GLTP: variants seen among roughly 807,000 people sequenced by gnomAD.
GLTP encodes the protein glycolipid transfer protein.
A neutral mutation model predicts 24.0 loss-of-function variants in GLTP; 22 were observed. The observed-to-expected ratio is 0.92, with a 90% CI of 0.65 to 1.31. The LOEUF (loss-of-function observed/expected upper bound fraction) is 1.31. Among genes scored for constraint, GLTP ranks in the 50% most tolerant of loss-of-function variants. The probability of loss-of-function intolerance (pLI) is 0.00; values close to 1 mark genes in which losing one functional copy is unlikely to be tolerated. For synonymous variants in GLTP, 92 were observed against 115.9 expected (o/e 0.79, Z 1.33); for missense variants, 224 against 276.6 (o/e 0.81, Z 1.35).
At chr12:109,862,804 C>A (rs1355020699) in intron 1 of GLTP, among the ~76,000 whole-genome samples, 2 of 152,104 alleles carry the variant, frequency 1.3e-5, no homozygotes, top group Admixed American at 1.3e-4. Context: ...ATAATCCCAG[C>A]ACTTTGGAAG....
chr12:109,872,318 C>T (rs1179988810), intron 1 of GLTP, among the ~76,000 whole-genome samples: 2 of 152,216 alleles, frequency 1.3e-5, no homozygotes, highest in East Asian at 3.9e-4. Flanking sequence ...TGCCACACAG[C>T]TGTTGGGAAA....
intron 3 of GLTP, among the ~76,000 whole-genome samples, chr12:109,856,394 G>C (rs1892796353): frequency 6.6e-6 from 1 of 152,174 alleles, no homozygotes; most frequent in Non-Finnish European, 1.5e-5. Flanking sequence ...AATCTCACCA[G>C]GGCCAGCCCC....
At chr12:109,871,831 G>A (rs184273949) in intron 1 of GLTP, among the ~76,000 whole-genome samples, 52 of 152,280 alleles carry the variant, frequency 3.4e-4, no homozygotes, top group African/African-American at 1.2e-3. Flanking sequence ...ATATAGGCTG[G>A]GCGCCCATGC....
At position 109,857,592 on chromosome 12, in the gene GLTP, T is replaced by C. The variant is rs1229193697; in HGVS notation, c.230A>G (p.Glu77Gly). The C allele has an allele frequency of 1.9e-6, 3 of 1,614,086 alleles. No homozygotes were observed. The highest frequency in any genetic ancestry group is 1.7e-5 in the Admixed American group (1 of 60,020). Residue 77 changes from glutamate to glycine, a missense_variant, in exon 3 of 5, where the codon GAG becomes GGG. Glu to Gly is a moderately conservative substitution (Grantham distance 98). Coordinates refer to ENST00000318348, the MANE Select transcript of GLTP (RefSeq NM_016433.4). The surrounding 1 kb of genome is among the most constrained non-coding windows in gnomAD (Gnocchi z 4.3). ...CCACTCTGCTCCATACATTTCTTTC[T>C]CCACCTCCAGGATGTTCTGCAGGGT... ...FRTLQNILEV[E>G]KEMYGAEWPK...
intron 1 of GLTP, among the ~76,000 whole-genome samples, chr12:109,871,511 C>G (rs1468566769): frequency 1.3e-5 from 2 of 152,166 alleles, no homozygotes. Context: ...CCAACGTCTT[C>G]CTGTTTCCTG....
intron 1 of GLTP, among the ~76,000 whole-genome samples, chr12:109,877,317 G>A (rs1398053523): frequency 6.6e-6 from 1 of 152,242 alleles, no homozygotes; most frequent in Non-Finnish European, 1.5e-5. Flanking sequence ...GGCTCAGTGA[G>A]TGACGGGGAA....
chr12:109,869,105 G>T (rs1057134020), intron 1 of GLTP, among the ~76,000 whole-genome samples: 2 of 151,986 alleles, frequency 1.3e-5, no homozygotes, highest in African/African-American at 4.8e-5. Flanking sequence ...TTCAAAATTA[G>T]CCTGGCCAAC....
At chr12:109,854,398 G>C (rs969097637) in intron 4 of GLTP, among the ~76,000 whole-genome samples, 4 of 147,202 alleles carry the variant, frequency 2.7e-5, no homozygotes, top group African/African-American at 9.9e-5. Flanking sequence ...TAATAGCTTT[G>C]ATGTACTGAG....
At position 109,852,663 on chromosome 12, in the gene GLTP, C is replaced by T; in HGVS notation, c.522G>A (p.Glu174=). The T allele has an allele frequency of 1.9e-6, 3 of 1,608,044 alleles. No individual in the cohort carries two copies. The highest frequency in any genetic ancestry group is 2.6e-6 in the Non-Finnish European group (3 of 1,174,484). ...ALSKGQNVTE[E]ECLEKIRLFL... is the part of the protein sequence containing the mutation. ...AGAGGCGGATCTTCTCCAGGCACTC[C>T]TCCTCCGTAACATTCTGCCCCTTGG... is the stretch of plus-strand genomic sequence containing the variant. Residue 174 remains glutamate (E), a synonymous_variant, in exon 5 of 5, where the codon GAG becomes GAA. Coordinates refer to ENST00000318348, the MANE Select transcript of GLTP (RefSeq NM_016433.4).
chr12:109,864,992 C>T (rs995670694), intron 1 of GLTP, among the ~76,000 whole-genome samples: 31 of 152,150 alleles, frequency 2.0e-4, no homozygotes, highest in African/African-American at 6.5e-4. Context: ...GGATTACAGG[C>T]GTGTGCCACC....
chr12:109,878,898 GATTA>G (rs1376599297), intron 1 of GLTP, among the ~76,000 whole-genome samples: 1 of 152,094 alleles, frequency 6.6e-6, no homozygotes, highest in East Asian at 1.9e-4. Context: ...CTCAAACACC[GATTA>G]ATCACTCTAG....
chr12:109,870,658 G>A (rs1868692316), intron 1 of GLTP, among the ~76,000 whole-genome samples: 1 of 152,072 alleles, frequency 6.6e-6, no homozygotes, highest in Non-Finnish European at 1.5e-5. Context: ...GGAGGAGGGA[G>A]AAAAAGAATT....
At position 109,852,373 on chromosome 12, in the gene GLTP, C is replaced by A. The variant is rs866219724; in HGVS notation, c.*182G>T. 201 of 283,870 alleles carry A rather than the reference C, an allele frequency of 7.1e-4. No individual in the cohort carries two copies. The highest frequency in any genetic ancestry group is 1.2e-3 in the Admixed American group (19 of 15,432). The allele number at this position is 283,870 out of a possible 1,614,324, so 17.6% of individuals were successfully genotyped here. ...TATTTACTGGTCCTTTAGAATAGACCAAAAAAAAAAAAAAAAAAGACTTAA... is the reference window on the plus strand; with the variant it reads ...TATTTACTGGTCCTTTAGAATAGACAAAAAAAAAAAAAAAAAAAGACTTAA... On this transcript the variant is annotated 3_prime_UTR_variant, in exon 5 of 5. Transcript: ENST00000318348.
Position 109,880,140 on chromosome 12 carries a change from G to A in GLTP, c.103+132C>T, listed in dbSNP as rs1052325354. 3.4e-6 allele frequency: 2 copies of A among 585,254 alleles called. No homozygotes were observed. The highest frequency in any genetic ancestry group is 3.4e-5 in the East Asian group (1 of 29,384). The allele number at this position is 585,254 out of a possible 1,614,324, so 36.3% of individuals were successfully genotyped here. ...AGAATTTAGGGTGAGTGGAGGGAAA[G>A]AGGATCTTGGGTGCCTGGGGAAACA... On this transcript the variant is annotated intron_variant, in intron 1 of 4. Transcript: ENST00000318348. The surrounding 1 kb of genome is among the most constrained non-coding windows in gnomAD (Gnocchi z 5.1).
chr12:109,868,069 G>A (rs909191591), intron 1 of GLTP, among the ~76,000 whole-genome samples: 3 of 152,152 alleles, frequency 2.0e-5, no homozygotes, highest in Non-Finnish European at 4.4e-5. Context: ...GAGCCACCGC[G>A]CCTGGCCTCA....
intron 1 of GLTP, among the ~76,000 whole-genome samples, chr12:109,878,637 A>G (rs935605213): frequency 3.3e-5 from 5 of 152,010 alleles, no homozygotes; most frequent in African/African-American, 1.2e-4. Context: ...CAACATCACA[A>G]AATTAAACAA....
chr12:109,869,296 T>G (rs1420515086), intron 1 of GLTP, among the ~76,000 whole-genome samples: 2 of 78,716 alleles, frequency 2.5e-5, no homozygotes, highest in African/African-American at 1.3e-4. Flanking sequence ...AGAGTAAGGC[T>G]CTACCTCAAA....
In GLTP at chr12:109,880,252, C is replaced by A. The variant is rs1385925981; in HGVS notation, c.103+20G>T. ...TGCGCGTGGGGCTGCGGGCCGCCTC[C>A]CCCCTCCATTCCGGCTCACCGAAGA... On this transcript the variant is annotated intron_variant, in intron 1 of 4. Coordinates refer to ENST00000318348, the MANE Select transcript of GLTP (RefSeq NM_016433.4). The surrounding 1 kb of genome is among the most constrained non-coding windows in gnomAD (Gnocchi z 5.1). The A allele has an allele frequency of 1.4e-6, 2 of 1,476,360 alleles. No individual in the cohort carries two copies. Among genetic ancestry groups the A allele is most frequent in the Non-Finnish European group, 1.9e-6 (2 of 1,065,488 alleles). The allele number at this position is 1,476,360 out of a possible 1,614,324, so 91.5% of individuals were successfully genotyped here.
rs1254528871 is a variant in GLTP at position 109,852,621 on chromosome 12, C to T, written c.564G>A (p.Thr188=). 3.7e-6 allele frequency: 6 copies of T among 1,606,686 alleles called. No homozygotes were observed. Among genetic ancestry groups the T allele is most frequent in the South Asian group, 1.1e-5 (1 of 90,940 alleles). The part of the protein sequence containing the change: ...EKIRLFLVNY[T]ATIDVIYEMY... ...TCTCGTAGATGACATCGATGGTCGC[C>T]GTGTAGTTGACTAGGAAGAGGCGGA... Residue 188 remains threonine, a synonymous_variant, in exon 5 of 5, where the codon ACG becomes ACA. Transcript: ENST00000318348.
Sources: gnomAD v4.1 joint callset for allele counts (sites outside exome capture counted in the v4.1 genomes callset) on GRCh38, gnomAD v4.1.1 for gene constraint, Gnocchi (gnomAD v3.1) non-coding constraint, MANE v1.5 for transcripts, NCBI Gene and HGNC (gene_info 2026-07-23, HGNC 2026-07-21) for gene names.